RTL4: variants seen among roughly 807,000 people sequenced by gnomAD.
The protein encoded by RTL4 is retrotransposon Gag-like protein 4.
In RTL4, 4 loss-of-function variants were observed where a neutral mutation model predicts 5.3. That is an observed-to-expected ratio of 0.75 (90% CI 0.37 to 1.72). RTL4 has a LOEUF of 1.72. Among genes scored for constraint, RTL4 ranks in the 40% most tolerant of loss-of-function variants. The pLI is 0.04. For missense variants in RTL4, 260 were observed against 227.1 expected (o/e 1.14, Z -0.93); for synonymous variants, 98 against 87.3 (o/e 1.12, Z -0.68).
chrX:112,269,884 C>A, the RTL4 span, among the ~76,000 whole-genome samples: 19 of 112,304 alleles, frequency 1.7e-4, no homozygotes, highest in Non-Finnish European at 3.0e-4. Flanking sequence ...CTGTCCAATT[C>A]ACTTCTAGCC....
chrX:112,213,032 A>G, the RTL4 span, among the ~76,000 whole-genome samples: 1 of 111,855 alleles, frequency 8.9e-6, no homozygotes, highest in African/African-American at 3.3e-5. Context: ...TGTTCTCTTT[A>G]ATATGTTTTC....
the RTL4 span, among the ~76,000 whole-genome samples, chrX:112,327,101 C>G: frequency 8.9e-6 from 1 of 112,312 alleles, no homozygotes. Context: ...CAGAGTGCCT[C>G]TCCTCCTCCA....
chrX:112,083,216 G>T, the RTL4 span, among the ~76,000 whole-genome samples: 1 of 112,638 alleles, frequency 8.9e-6, no homozygotes, highest in Non-Finnish European at 1.9e-5. Flanking sequence ...AAGCGCGGGT[G>T]CGGGTAGAGG....
chrX:112,412,804 T>C, the RTL4 span, among the ~76,000 whole-genome samples: 1 of 111,319 alleles, frequency 9.0e-6, no homozygotes, highest in African/African-American at 3.3e-5. Flanking sequence ...GGCAAATATA[T>C]TTTGAGTAAT....
At chrX:112,221,236 G>T in the RTL4 span, among the ~76,000 whole-genome samples, 1 of 111,401 alleles carries the variant, frequency 9.0e-6, no homozygotes, top group Non-Finnish European at 1.9e-5. Context: ...AAAACCATCA[G>T]ATCTTGTGAG....
chrX:112,169,346 T>C, the RTL4 span, among the ~76,000 whole-genome samples: 1 of 109,974 alleles, frequency 9.1e-6, no homozygotes, highest in East Asian at 2.8e-4. Flanking sequence ...ACTCCTGACC[T>C]CAGGTGATCC....
the RTL4 span, among the ~76,000 whole-genome samples, chrX:112,129,295 A>G: frequency 8.9e-6 from 1 of 111,889 alleles, no homozygotes; most frequent in Non-Finnish European, 1.9e-5. Context: ...GCTCCTCAAA[A>G]AGTAAAATGT....
At chrX:112,407,096 C>A in the RTL4 span, among the ~76,000 whole-genome samples, 8,439 of 109,292 alleles carry the variant, frequency 0.077, 418 homozygotes, top group African/African-American at 0.17. Flanking sequence ...GGCTATGAGG[C>A]AAGACTTCTG....
At chrX:112,446,238 G>A in the RTL4 span, among the ~76,000 whole-genome samples, 4 of 112,047 alleles carry the variant, frequency 3.6e-5, no homozygotes, top group South Asian at 1.5e-3. Flanking sequence ...GGATTATTTT[G>A]CATTTGTTTT....
At chrX:112,292,709 T>C in the RTL4 span, among the ~76,000 whole-genome samples, 169 of 111,832 alleles carry the variant, frequency 1.5e-3, 1 homozygote, top group East Asian at 0.043. Flanking sequence ...CTCAGTACTT[T>C]TTTTCTTTTT....
At chrX:112,087,937 G>A in the RTL4 span, among the ~76,000 whole-genome samples, 1 of 110,267 alleles carries the variant, frequency 9.1e-6, no homozygotes, top group Non-Finnish European at 1.9e-5. Context: ...ATACAATTTA[G>A]TGACATTCAG....
the RTL4 span, among the ~76,000 whole-genome samples, chrX:112,448,960 G>T: frequency 8.9e-6 from 1 of 111,936 alleles, no homozygotes; most frequent in African/African-American, 3.3e-5. Context: ...TTCCTTAATA[G>T]AATTAAGTAT....
At chrX:112,106,333 C>G in the RTL4 span, among the ~76,000 whole-genome samples, 54 of 111,783 alleles carry the variant, frequency 4.8e-4, no homozygotes, top group African/African-American at 1.1e-3. Context: ...GCTTTGGTAT[C>G]AGGGTAATGC....
the RTL4 span, among the ~76,000 whole-genome samples, chrX:112,261,601 A>T: frequency 8.9e-6 from 1 of 111,969 alleles, no homozygotes; most frequent in African/African-American, 3.2e-5. Context: ...CAATATCATG[A>T]AAATGGCCAT....
chrX:112,249,898 C>T, the RTL4 span, among the ~76,000 whole-genome samples: 2 of 109,476 alleles, frequency 1.8e-5, no homozygotes, highest in East Asian at 5.7e-4. Flanking sequence ...TTGTAATGCC[C>T]CTGCAAGAGG....
the RTL4 span, among the ~76,000 whole-genome samples, chrX:112,176,807 C>T: frequency 3.6e-5 from 4 of 110,010 alleles, no homozygotes; most frequent in Non-Finnish European, 7.6e-5. Context: ...ACTCATTATC[C>T]AACTTCTCTT....
the RTL4 span, among the ~76,000 whole-genome samples, chrX:112,132,174 C>T: frequency 9.0e-6 from 1 of 111,621 alleles, no homozygotes; most frequent in Non-Finnish European, 1.9e-5. Flanking sequence ...ATCATATAAA[C>T]ATACCACACA....
chrX:112,297,136 G>A, the RTL4 span, among the ~76,000 whole-genome samples: 1 of 110,584 alleles, frequency 9.0e-6, no homozygotes, highest in African/African-American at 3.3e-5. Flanking sequence ...ATGCCTTAGA[G>A]GTTCAACCTG....
the RTL4 span, among the ~76,000 whole-genome samples, chrX:112,192,920 T>C: frequency 8.9e-6 from 1 of 112,170 alleles, no homozygotes; most frequent in South Asian, 3.7e-4. Context: ...CCTTTAGTAT[T>C]TCTTTGTAGA....
Sources: gnomAD v4.1 joint callset for allele counts (sites outside exome capture counted in the v4.1 genomes callset) on GRCh38, gnomAD v4.1.1 for gene constraint, MANE v1.5 for transcripts, NCBI Gene and HGNC (gene_info 2026-07-23, HGNC 2026-07-21) for gene names.